ACVR1C: variants seen among roughly 807,000 people sequenced by gnomAD.
ACVR1C encodes activin A receptor type 1C.
In ACVR1C, 23 loss-of-function variants were observed where a neutral mutation model predicts 57.9. That is an observed-to-expected ratio of 0.40 (90% CI 0.29 to 0.56). ACVR1C has a LOEUF of 0.56. Ranked by LOEUF, ACVR1C falls within the 20% of genes least tolerant of loss-of-function variation. ACVR1C has a pLI of 0.50. For missense variants in ACVR1C, 480 were observed against 607.9 expected (o/e 0.79, Z 2.21); for synonymous variants, 214 against 215.3 (o/e 0.99, Z 0.05).
chr2:157,589,469 C>G (rs1437700775), intron 1 of ACVR1C, among the ~76,000 whole-genome samples: 2 of 151,770 alleles, frequency 1.3e-5, no homozygotes, highest in African/African-American at 2.4e-5. Context: ...AATATTTTCT[C>G]CCATTCTGTA....
At chr2:157,547,833 T>C (rs1411890142) in intron 4 of ACVR1C, among the ~76,000 whole-genome samples, 3 of 151,964 alleles carry the variant, frequency 2.0e-5, no homozygotes, top group African/African-American at 7.3e-5. Flanking sequence ...TTAGATCCCA[T>C]TTGTCAATTT....
chr2:157,612,510 G>A (rs1418149844), intron 1 of ACVR1C, among the ~76,000 whole-genome samples: 1 of 152,196 alleles, frequency 6.6e-6, no homozygotes, highest in Non-Finnish European at 1.5e-5. Flanking sequence ...ACCCACCTCA[G>A]CTCCCAGTGG....
intron 1 of ACVR1C, among the ~76,000 whole-genome samples, chr2:157,608,759 CTTTA>C (rs1682464037): frequency 6.6e-6 from 1 of 151,618 alleles, no homozygotes; most frequent in Non-Finnish European, 1.5e-5. Context: ...CAGTTTGTTA[CTTTA>C]TAGTTGTTCA....
chr2:157,548,796 C>G (rs140606449), intron 4 of ACVR1C, among the ~76,000 whole-genome samples: 12 of 152,260 alleles, frequency 7.9e-5, no homozygotes, highest in Middle Eastern at 6.8e-3. Flanking sequence ...CTACTTGGCA[C>G]CGTTAATGGT....
At chr2:157,598,542 GTTT>G (rs201633186) in intron 1 of ACVR1C, among the ~76,000 whole-genome samples, 3 of 140,828 alleles carry the variant, frequency 2.1e-5, no homozygotes, top group African/African-American at 2.6e-5. Flanking sequence ...TCTTTTAATA[GTTT>G]TTTTTTTTTT....
chr2:157,582,682 C>T (rs757738116), intron 2 of ACVR1C, among the ~76,000 whole-genome samples: 32 of 152,234 alleles, frequency 2.1e-4, no homozygotes, highest in Non-Finnish European at 3.7e-4. Flanking sequence ...TTCACTCTCA[C>T]CACTCCTATT....
intron 2 of ACVR1C, among the ~76,000 whole-genome samples, chr2:157,563,278 T>C (rs1478730805): frequency 2.6e-5 from 4 of 152,318 alleles, no homozygotes; most frequent in East Asian, 1.9e-4. Flanking sequence ...AGTCTCAGGA[T>C]ACAAAATCAA....
rs60269781 is a variant in ACVR1C at position 157,555,101 on chromosome 2, C to CTTTTTTTTTTTTTTT, written c.544+977_544+991dup. 1.5e-4 allele frequency among the ~76,000 whole-genome samples: 13 copies of CTTTTTTTTTTTTTTT among 83,946 alleles called. 4 individuals are homozygous for CTTTTTTTTTTTTTTT. The highest frequency in any genetic ancestry group is 5.9e-4 in the African/African-American group (10 of 16,854). 55.1% of individuals were successfully genotyped at this position (83,946 alleles called of 152,430 possible). A position where few individuals can be genotyped will look rare whatever the true frequency, so the allele number is the denominator to read the frequency against. ...ATAATACAGCCTGGTACTTTGAACG[C>CTTTTTTTTTTTTTTT]TTTTTTTTTTTTTTTTTTTTTTTTT... On this transcript the variant is annotated intron_variant, in intron 3 of 8. Coordinates refer to ENST00000243349, the MANE Select transcript of ACVR1C (RefSeq NM_145259.3).
chr2:157,551,332 T>G (rs1235571220), intron 3 of ACVR1C, among the ~76,000 whole-genome samples: 2 of 152,216 alleles, frequency 1.3e-5, no homozygotes, highest in Non-Finnish European at 2.9e-5. Context: ...CCTAGCACAG[T>G]ATCTGGCATA....
chr2:157,619,585 G>A (rs1682721489), intron 1 of ACVR1C, among the ~76,000 whole-genome samples: 1 of 151,948 alleles, frequency 6.6e-6, no homozygotes, highest in Non-Finnish European at 1.5e-5. Flanking sequence ...CAAAGGCAGA[G>A]TTAAGTGGAT....
At chr2:157,595,371 ACAGACTACCTGGAGTCCTCTGGCCC>A (rs1363348230) in intron 1 of ACVR1C, among the ~76,000 whole-genome samples, 1 of 152,210 alleles carries the variant, frequency 6.6e-6, no homozygotes, top group East Asian at 1.9e-4. Context: ...TAGGGAGGAT[ACAGACTACCTGGAGTCCTCTGGCCC>A]AGTTTAGACT....
rs6720460 is a variant in ACVR1C at position 157,550,027 on chromosome 2, G to A, written c.775+135C>T. ...CAAAAAAAAAAAAAAAGAAAGAAAA[G>A]GAAAAGGAAAAAAAAAAAAAGAAGA... is the stretch of plus-strand genomic sequence containing the variant. On this transcript the variant is annotated intron_variant, in intron 4 of 8. Transcript: ENST00000243349. The A allele has an allele frequency of 3.8e-3, 2,899 of 768,218 alleles. 66 individuals are homozygous for A. In the African/African-American group the frequency reaches 0.048, roughly 13 times the overall value. 47.6% of individuals were successfully genotyped at this position (768,218 alleles called of 1,614,324 possible). A position where few individuals can be genotyped will look rare whatever the true frequency, so the allele number is the denominator to read the frequency against.
chr2:157,587,001 G>A (rs1007425163), intron 2 of ACVR1C, among the ~76,000 whole-genome samples, 186 bp downstream of exon 2: 1 of 152,114 alleles, frequency 6.6e-6, no homozygotes, highest in Non-Finnish European at 1.5e-5. Flanking sequence ...TTTTGACAAT[G>A]ATGTGCAATT....
At chr2:157,589,658 C>A in intron 1 of ACVR1C, among the ~76,000 whole-genome samples, 1 of 151,724 alleles carries the variant, frequency 6.6e-6, no homozygotes, top group African/African-American at 2.4e-5. Context: ...ACATTTTTCA[C>A]AGAATTAGAA....
chr2:157,555,967 A>G, intron 3 of ACVR1C, 126 bp downstream of exon 3: 1 of 1,112,094 alleles, frequency 9.0e-7, no homozygotes, highest in Admixed American at 2.8e-5. Flanking sequence ...TTCCTATACC[A>G]GAGCTCACCA....
chr2:157,601,633 C>T (rs749731057), intron 1 of ACVR1C, among the ~76,000 whole-genome samples: 1 of 152,120 alleles, frequency 6.6e-6, no homozygotes. Flanking sequence ...AAGAAACAAA[C>T]GAAAACCTTG....
At chr2:157,548,256 C>T (rs1687817120) in intron 4 of ACVR1C, among the ~76,000 whole-genome samples, 2 of 150,492 alleles carry the variant, frequency 1.3e-5, no homozygotes, top group Non-Finnish European at 3.0e-5. Context: ...GAACTACAAA[C>T]CACTGCTCAA....
chr2:157,624,428 G>A (rs958213432), intron 1 of ACVR1C, among the ~76,000 whole-genome samples: 3 of 152,148 alleles, frequency 2.0e-5, no homozygotes, highest in Non-Finnish European at 2.9e-5. Flanking sequence ...TTCCCCAAAA[G>A]AGAAACATGA....
chr2:157,572,956 C>T (rs116727725), intron 2 of ACVR1C, among the ~76,000 whole-genome samples: 2,108 of 152,172 alleles, frequency 0.014, 22 homozygotes, highest in Middle Eastern at 0.037. Context: ...ATGCACATGT[C>T]ACCTTTTCCT....
Sources: gnomAD v4.1 joint callset for allele counts (sites outside exome capture counted in the v4.1 genomes callset) on GRCh38, gnomAD v4.1.1 for gene constraint, MANE v1.5 for transcripts, NCBI Gene and HGNC (gene_info 2026-07-23, HGNC 2026-07-21) for gene names.